The following CNTN6 variants were observed in gnomAD, a reference collection of about 807,000 sequenced individuals.
CNTN6 encodes contactin 6.
CNTN6 carries 137 observed loss-of-function variants against 122.8 expected under a neutral mutation model. That is an observed-to-expected ratio of 1.12 (90% CI 0.97 to 1.29). The LOEUF (loss-of-function observed/expected upper bound fraction) is 1.29, where lower values mean the gene tolerates loss of function less well. CNTN6 is among the 50% of genes most tolerant of loss of function. CNTN6 has a pLI of 0.00. For missense variants in CNTN6, 1,634 were observed against 1,223.4 expected (o/e 1.34, Z -5.01); for synonymous variants, 570 against 426.0 (o/e 1.34, Z -4.16).
intron 2 of CNTN6, among the ~76,000 whole-genome samples, chr3:1,177,960 G>T (rs1406217782): frequency 6.7e-6 from 1 of 149,852 alleles, no homozygotes; most frequent in Non-Finnish European, 1.5e-5. Context: ...GAGTACAGTG[G>T]TGCAATCTCC....
chr3:1,105,090 A>G (rs963202659), intron 1 of CNTN6, among the ~76,000 whole-genome samples: 3 of 152,128 alleles, frequency 2.0e-5, no homozygotes, highest in Admixed American at 2.0e-4. Context: ...GTGAGTGTGT[A>G]TATTACTAAA....
In CNTN6 at chr3:1,378,240, C is replaced by G. The variant is rs147594454; in HGVS notation, c.2166+1165C>G. On this transcript the variant is annotated intron_variant, in intron 17 of 22. Transcript: ENST00000446702. ...TACCCACTTAGCATCTCTCTTCACT[C>G]TGCCACCGTGGGCTGTCTGGATCTC... is the stretch of plus-strand genomic sequence containing the variant. Among the ~76,000 whole-genome samples the G allele has an allele frequency of 2.6e-5, 4 of 152,300 alleles. No individual in the cohort carries two copies. The East Asian group carries it at 5.8e-4, about 22-fold the overall frequency.
chr3:1,246,118 C>T (rs567514403), intron 4 of CNTN6, among the ~76,000 whole-genome samples: 1 of 152,040 alleles, frequency 6.6e-6, no homozygotes, highest in Non-Finnish European at 1.5e-5. Flanking sequence ...GCAGATAGAT[C>T]AATGAAGTAT....
At chr3:1,303,101 G>A (rs1179251664) in intron 7 of CNTN6, among the ~76,000 whole-genome samples, 1 of 151,742 alleles carries the variant, frequency 6.6e-6, no homozygotes, top group Non-Finnish European at 1.5e-5. Flanking sequence ...ATTTCCTTTT[G>A]ATCCTTTCTT....
chr3:1,122,590 T>C (rs1483176994), intron 1 of CNTN6, among the ~76,000 whole-genome samples: 2 of 151,748 alleles, frequency 1.3e-5, no homozygotes. Context: ...AATTAGTAAA[T>C]TTCTCCCCAT....
chr3:1,238,761 TA>T (rs1189629920), intron 4 of CNTN6, among the ~76,000 whole-genome samples: 1 of 151,942 alleles, frequency 6.6e-6, no homozygotes, highest in African/African-American at 2.4e-5. Flanking sequence ...CACAGTGAAA[TA>T]AAATTGGAAA....
intron 2 of CNTN6, chr3:1,173,391 G>A (rs1026749942): frequency 4.9e-6 from 2 of 411,448 alleles, no homozygotes; most frequent in African/African-American, 4.2e-5. Flanking sequence ...ATTGAGCTAA[G>A]TGCTTTACGT....
At chr3:1,315,407 A>T (rs1442248625) in intron 7 of CNTN6, among the ~76,000 whole-genome samples, 5 of 151,938 alleles carry the variant, frequency 3.3e-5, no homozygotes, top group African/African-American at 1.2e-4. Flanking sequence ...GATCACAATA[A>T]ATTAGCGTGC....
Position 1,102,633 on chromosome 3 carries a change from C to G in CNTN6, c.-83+9513C>G, listed in dbSNP as rs530861394. Among the ~76,000 whole-genome samples, 6 of 149,692 alleles carry G rather than the reference C, an allele frequency of 4.0e-5. No individual in the cohort carries two copies. In the South Asian group the frequency reaches 1.3e-3, roughly 32 times the overall value. ...GTCCCAGCTACTCGGGAGGCTGAGG[C>G]AGGAGAATGGCGGGAACCCGGGGGG... On this transcript the variant is annotated intron_variant, in intron 1 of 22. Transcript: ENST00000446702.
chr3:1,354,853 C>T (rs1443622238), intron 12 of CNTN6, among the ~76,000 whole-genome samples: 1 of 151,438 alleles, frequency 6.6e-6, no homozygotes, highest in African/African-American at 2.4e-5. Flanking sequence ...TACATGCATT[C>T]ACTTTCTAAT....
At chr3:1,257,249 A>C (rs935424494) in intron 4 of CNTN6, among the ~76,000 whole-genome samples, 7 of 152,124 alleles carry the variant, frequency 4.6e-5, no homozygotes, top group Admixed American at 6.6e-5. Flanking sequence ...TATTTTAAAT[A>C]TGTTAATATT....
chr3:1,304,558 TA>T (rs1425418713), intron 7 of CNTN6, among the ~76,000 whole-genome samples: 4 of 152,188 alleles, frequency 2.6e-5, no homozygotes, highest in Non-Finnish European at 4.4e-5. Flanking sequence ...GTAAATATTT[TA>T]CAAGAAAAAG....
intron 11 of CNTN6, among the ~76,000 whole-genome samples, chr3:1,341,811 C>T (rs970954452): frequency 6.6e-6 from 1 of 152,104 alleles, no homozygotes; most frequent in African/African-American, 2.4e-5. Context: ...TTGTTCACTC[C>T]AGTAATTACG....
At chr3:1,321,885 A>C (rs369328747) in intron 8 of CNTN6, 51 bp downstream of exon 8, 18 of 1,436,924 alleles carry the variant, frequency 1.3e-5, no homozygotes, top group Non-Finnish European at 1.7e-5. Context: ...AATGCCCTTC[A>C]TAATAAATTG....
In CNTN6 at chr3:1,400,846, G is replaced by A. The variant is rs537388176; in HGVS notation, c.2705-587G>A. 1.1e-4 allele frequency among the ~76,000 whole-genome samples: 17 copies of A among 152,174 alleles called. No individual in the cohort carries two copies. In the East Asian group the frequency reaches 2.7e-3, roughly 24 times the overall value. On this transcript the variant is annotated intron_variant, in intron 20 of 22. Transcript: ENST00000446702. ...TATACAGCAGACCCTGCTTCAATAA[G>A]CAGAGTGAAGACTGTGGCTTTGTGA...
intron 16 of CNTN6, among the ~76,000 whole-genome samples, chr3:1,375,810 G>A (rs190886720): frequency 1.2e-3 from 176 of 152,158 alleles, no homozygotes; most frequent in Non-Finnish European, 7.4e-4. Context: ...AGGTATATCT[G>A]AAAGGTGCAA....
rs1553609965 is a variant in CNTN6, at chr3:1,157,224, T to TATTTA, written c.55+9162_55+9166dup. Reference sequence around the variant, plus strand: ...TATTTATTTATTTATTTATTTAATTTATTTATTTATTTATGTACTTATTGT... The same window carrying TATTTA: ...TATTTATTTATTTATTTATTTAATTTATTTAATTTATTTATTTATGTACTTATTGT... On this transcript the variant is annotated intron_variant, in intron 2 of 22. Coordinates refer to ENST00000446702, the MANE Select transcript of CNTN6 (RefSeq NM_001289080.2). 3.1e-3 allele frequency among the ~76,000 whole-genome samples: 451 copies of TATTTA among 145,002 alleles called. 1 individual carries two copies. Among genetic ancestry groups the TATTTA allele is most frequent in the African/African-American group, 8.6e-3 (335 of 39,098 alleles).
intron 11 of CNTN6, among the ~76,000 whole-genome samples, chr3:1,346,448 G>C (rs1704711219): frequency 6.6e-6 from 1 of 152,056 alleles, no homozygotes; most frequent in Non-Finnish European, 1.5e-5. Context: ...ATTTGTTCCT[G>C]CTCTCTTGGG....
At chr3:1,365,440 AAC>A (rs1322958114) in intron 12 of CNTN6, among the ~76,000 whole-genome samples, 1 of 152,016 alleles carries the variant, frequency 6.6e-6, no homozygotes, top group African/African-American at 2.4e-5. Context: ...GTTAAATAAA[AAC>A]ACATATATTT....
Sources: gnomAD v4.1 joint callset for allele counts (sites outside exome capture counted in the v4.1 genomes callset) on GRCh38, gnomAD v4.1.1 for gene constraint, MANE v1.5 for transcripts, NCBI Gene and HGNC (gene_info 2026-07-23, HGNC 2026-07-21) for gene names.